The following SEC14L3 variants were observed in gnomAD, a reference collection of about 807,000 sequenced individuals.
The protein encoded by SEC14L3 is SEC14 like lipid binding 3.
Under a neutral mutation model 57.4 loss-of-function variants are expected in SEC14L3, and 56 were observed. That is an observed-to-expected ratio of 0.97 (90% CI 0.79 to 1.22). SEC14L3 has a LOEUF of 1.22. Ranked by LOEUF, SEC14L3 falls within the 50% of genes most tolerant of loss-of-function variation. The pLI, the probability that SEC14L3 is intolerant of heterozygous loss-of-function variation, is 0.00. For synonymous variants in SEC14L3, 173 were observed against 194.4 expected, an observed-to-expected ratio of 0.89 and a Z score of 0.92; for missense variants, 485 against 511.7, an observed-to-expected ratio of 0.95 and a Z score of 0.50.
downstream of SEC14L3, among the ~76,000 whole-genome samples, chr22:30,455,992 T>C (rs1935112592): frequency 6.6e-6 from 1 of 152,168 alleles, no homozygotes; most frequent in Non-Finnish European, 1.5e-5. Flanking sequence ...GGGGGCTGTG[T>C]TAGTCCATTT....
At chr22:30,454,199 C>T (rs1935037903) in intron 12 of SEC14L3, among the ~76,000 whole-genome samples, 1 of 152,050 alleles carries the variant, frequency 6.6e-6, no homozygotes, top group African/African-American at 2.4e-5. Context: ...GCTGGTTGCA[C>T]TGGCCTTCAC....
At position 30,453,420 on chromosome 22, in the gene SEC14L3, T is replaced by C. The variant is rs932969767; in HGVS notation, c.905-4176A>G. Among the ~76,000 whole-genome samples, 5 of 152,194 alleles carry C rather than the reference T, an allele frequency of 3.3e-5. No homozygotes were observed. In the South Asian group the frequency reaches 1.0e-3, roughly 32 times the overall value. Reference sequence around the variant, plus strand: ...CATTGCCACAGCCTCCTTTCATTTATTTATTTTTTTGAAATGGAGTCTCGC... The same window carrying C: ...CATTGCCACAGCCTCCTTTCATTTACTTATTTTTTTGAAATGGAGTCTCGC... On this transcript the variant is annotated intron_variant, in intron 12 of 12. Coordinates refer to the SEC14L3 transcript ENST00000403066.
downstream of SEC14L3, among the ~76,000 whole-genome samples, chr22:30,454,562 A>ATATTATTATATATAATCTATAATATTAT (rs10677217): frequency 3.6e-5 from 2 of 55,684 alleles, no homozygotes; most frequent in Non-Finnish European, 7.1e-5. Flanking sequence ...ATCTATAATA[A>ATATTATTATATATAATCTATAATATTAT]TATTATATAT....
At chr22:30,449,214 C>T (rs1256980888) in exon 13 of SEC14L3, 1 of 1,550,498 alleles carries the variant, frequency 6.4e-7, no homozygotes, top group East Asian at 2.4e-5. Flanking sequence ...GGGCAGATGA[C>T]AGCAAGACTT....
In SEC14L3 at chr22:30,471,895, G is replaced by A. The variant is rs1935624832; in HGVS notation, c.54+10C>T. ...TGGTCTTCCGGAACTCCAGGGGGAG[G>A]GGCTCTCACCTTGGCCAGGGTCTCT... On this transcript the variant is annotated intron_variant, in intron 1 of 11. Transcript: ENST00000215812. The A allele has an allele frequency of 1.9e-6, 3 of 1,613,300 alleles. No individual in the cohort carries two copies. Among genetic ancestry groups the A allele is most frequent in the South Asian group, 1.1e-5 (1 of 90,988 alleles).
downstream of SEC14L3, among the ~76,000 whole-genome samples, chr22:30,456,170 G>A (rs1935115471): frequency 1.3e-5 from 2 of 152,080 alleles, no homozygotes; most frequent in South Asian, 2.1e-4. Flanking sequence ...ATGGTGGCAG[G>A]CACATGTGTT....
intron 8 of SEC14L3, among the ~76,000 whole-genome samples, chr22:30,463,460 C>T (rs1036707384): frequency 3.9e-5 from 6 of 152,178 alleles, no homozygotes; most frequent in African/African-American, 1.4e-4. Context: ...GGGGCAGAGG[C>T]TGTGGACTTA....
At chr22:30,471,858 G>A (rs1266045758) in intron 1 of SEC14L3, 47 bp downstream of exon 1, 16 of 1,612,388 alleles carry the variant, frequency 9.9e-6, no homozygotes, top group Non-Finnish European at 1.4e-5. Context: ...CCACCCCCCA[G>A]CCCCTTTCCC....
At position 30,464,997 on chromosome 22, in the gene SEC14L3, G is replaced by A. The variant is rs955950854; in HGVS notation, c.581-94C>T. 1.8e-5 allele frequency: 28 copies of A among 1,567,866 alleles called. No individual in the cohort carries two copies. The African/African-American group carries it at 3.6e-4, about 20-fold the overall frequency. On this transcript the variant is annotated intron_variant, in intron 7 of 11. Transcript: ENST00000215812. ...ATAGCCAATGATACAGAGGAGTCAT[G>A]ACTAACCCTGGTCAATTCCAGTGTC...
At chr22:30,470,343 C>T (rs1238086802) in intron 2 of SEC14L3, 88 bp from the exon 3 acceptor site, 2 of 1,589,934 alleles carry the variant, frequency 1.3e-6, no homozygotes, top group South Asian at 1.1e-5. Context: ...CACTGGGGGC[C>T]TGGGTGAGAC....
intron 12 of SEC14L3, among the ~76,000 whole-genome samples, chr22:30,450,058 G>A (rs962172631): frequency 2.0e-5 from 3 of 152,130 alleles, no homozygotes; most frequent in African/African-American, 7.2e-5. Context: ...ACGGACACTT[G>A]TTCTTGGTTT....
At chr22:30,456,089 C>A (rs57642809), downstream of SEC14L3, among the ~76,000 whole-genome samples, 3,677 of 152,080 alleles carry the variant, frequency 0.024, 138 homozygotes, top group African/African-American at 0.082. Context: ...GTGTGGATCA[C>A]CTGAAGCCAC....
intron 12 of SEC14L3, among the ~76,000 whole-genome samples, chr22:30,450,492 A>G (rs542856994): frequency 2.6e-5 from 4 of 152,050 alleles, no homozygotes; most frequent in African/African-American, 7.2e-5. Flanking sequence ...TAGTAGAGAC[A>G]GTGTTTCACC....
At chr22:30,471,848 C>T in intron 1 of SEC14L3, 57 bp downstream of exon 1, 1 of 1,611,872 alleles carries the variant, frequency 6.2e-7, no homozygotes, top group Non-Finnish European at 8.5e-7. Context: ...CCACTTCTTT[C>T]CACCCCCCAG....
rs943638198 is a variant in SEC14L3 at position 30,471,705 on chromosome 22, T to C, written c.54+200A>G. 4.6e-5 allele frequency among the ~76,000 whole-genome samples: 7 copies of C among 152,146 alleles called. 1 individual carries two copies. On this transcript the variant is annotated intron_variant, in intron 1 of 11. Transcript: ENST00000215812. ...CACCCACGTTATTGCCTGGAAGTGG[T>C]GCTAGTCCCTCAACCCCCGCCCGGG...
At chr22:30,467,441 C>T (rs1285494853) in intron 5 of SEC14L3, among the ~76,000 whole-genome samples, 1 of 152,130 alleles carries the variant, frequency 6.6e-6, no homozygotes, top group Non-Finnish European at 1.5e-5. Context: ...ATTTATCAAG[C>T]ACTTTTTTGT....
rs1488655384 is a variant in SEC14L3, at chr22:30,461,654, C to T, written c.812G>A (p.Arg271Gln). The T allele has an allele frequency of 7.4e-6, 12 of 1,613,160 alleles. No homozygotes were observed. In the African/African-American group the frequency reaches 8.0e-5, roughly 11 times the overall value. Reference protein sequence around the residue: ...GGEIPKSMYVRDQVKTQYEHS... With the variant: ...GGEIPKSMYVQDQVKTQYEHS... The stretch of plus-strand genomic sequence containing the variant: ...CTCGTACTGAGTCTTCACCTGGTCC[C>T]GCACGTACATGGACTTGGGGATCTC... Residue 271 changes from arginine (R) to glutamine (Q), a missense_variant, in exon 10 of 12, where the codon CGG (arginine) becomes CAG (glutamine). Coordinates refer to ENST00000215812, the MANE Select transcript of SEC14L3 (RefSeq NM_174975.5).
chr22:30,470,678 A>G (rs1054683554), intron 1 of SEC14L3, 96 bp from the exon 2 acceptor site: 5 of 1,572,742 alleles, frequency 3.2e-6, no homozygotes, highest in East Asian at 4.6e-5. Context: ...TTCCTCCCAC[A>G]TGCAAAATGG....
At chr22:30,466,439 C>T in intron 6 of SEC14L3, 45 bp from the exon 7 acceptor site, 2 of 1,613,598 alleles carry the variant, frequency 1.2e-6, no homozygotes, top group Non-Finnish European at 1.7e-6. Context: ...ATCACATCTT[C>T]TCCTACCTCC....
Sources: gnomAD v4.1 joint callset for allele counts (sites outside exome capture counted in the v4.1 genomes callset) on GRCh38, gnomAD v4.1.1 for gene constraint, MANE v1.5 for transcripts, NCBI Gene and HGNC (gene_info 2026-07-23, HGNC 2026-07-21) for gene names.